SAMD4A: variants seen among roughly 807,000 people sequenced by gnomAD.
SAMD4A encodes sterile alpha motif domain containing 4A.
A neutral mutation model predicts 81.3 loss-of-function variants in SAMD4A; 33 were observed. The ratio of observed to expected loss-of-function variants is 0.41; its 90% confidence interval spans 0.31 to 0.54. SAMD4A has a LOEUF of 0.54. Among genes scored for constraint, SAMD4A ranks in the 20% least tolerant of loss-of-function variants. The pLI is 0.37. For synonymous variants in SAMD4A, 389 were observed against 382.1 expected (o/e 1.02, Z -0.21); for missense variants, 854 against 951.1 (o/e 0.90, Z 1.34).
intron 2 of SAMD4A, among the ~76,000 whole-genome samples, chr14:54,602,717 A>G (rs1015578234): frequency 2.6e-5 from 4 of 152,014 alleles, no homozygotes; most frequent in Non-Finnish European, 5.9e-5. Flanking sequence ...TAATGGGTGC[A>G]GCACACCAAC....
chr14:54,613,102 C>T (rs1052735367), intron 2 of SAMD4A, among the ~76,000 whole-genome samples: 6 of 143,308 alleles, frequency 4.2e-5, no homozygotes, highest in African/African-American at 7.9e-5. Context: ...GGTGACAGAG[C>T]GAGACTCCAT....
chr14:54,728,438 T>C (rs2037479063), intron 3 of SAMD4A, among the ~76,000 whole-genome samples: 1 of 152,158 alleles, frequency 6.6e-6, no homozygotes, highest in East Asian at 1.9e-4. Flanking sequence ...ACATGGCGAT[T>C]CAATCAAATA....
rs990303700 is a variant in SAMD4A, at chr14:54,791,310, C to T, written c.*2366C>T. Reference sequence around the variant, plus strand: ...TACACATCTTGCTGAGAAAGGAAAGCATTCGGATCTGCTGCAAAAACACAT... The same window carrying T: ...TACACATCTTGCTGAGAAAGGAAAGTATTCGGATCTGCTGCAAAAACACAT... On this transcript the variant is annotated 3_prime_UTR_variant, in exon 13 of 13. Coordinates refer to ENST00000554335, the MANE Select transcript of SAMD4A (RefSeq NM_015589.6). 4 of 152,206 alleles carry T rather than the reference C, an allele frequency of 2.6e-5. No homozygotes were observed. Among genetic ancestry groups the T allele is most frequent in the African/African-American group, 9.6e-5 (4 of 41,454 alleles). The allele number at this position is 152,206 out of a possible 1,614,324, so 9.4% of individuals were successfully genotyped here.
intron 2 of SAMD4A, among the ~76,000 whole-genome samples, chr14:54,576,356 A>G (rs1158595831): frequency 6.6e-6 from 1 of 152,240 alleles, no homozygotes; most frequent in African/African-American, 2.4e-5. Flanking sequence ...GAAGAGTGGT[A>G]AATGAATGGG....
chr14:54,752,886 G>T (rs2038144342), intron 6 of SAMD4A, among the ~76,000 whole-genome samples: 1 of 152,228 alleles, frequency 6.6e-6, no homozygotes, highest in Non-Finnish European at 1.5e-5. Flanking sequence ...TCATAATTAA[G>T]TTCAAGGGAA....
intron 2 of SAMD4A, among the ~76,000 whole-genome samples, chr14:54,661,121 T>G (rs1438661471): frequency 6.6e-6 from 1 of 152,228 alleles, no homozygotes; most frequent in African/African-American, 2.4e-5. Context: ...CTCAATTTCC[T>G]TATCTGTCAA....
chr14:54,751,770 C>T (rs1306177592), intron 6 of SAMD4A, among the ~76,000 whole-genome samples: 2 of 152,148 alleles, frequency 1.3e-5, no homozygotes, highest in Admixed American at 6.5e-5. Flanking sequence ...CTTGCCTGGC[C>T]GTCCTAGAGC....
At chr14:54,635,849 A>C (rs2140357593) in intron 2 of SAMD4A, among the ~76,000 whole-genome samples, 1 of 152,298 alleles carries the variant, frequency 6.6e-6, no homozygotes, top group Admixed American at 6.5e-5. Flanking sequence ...ATTTTTGCAT[A>C]CCACAGCCCA....
intron 2 of SAMD4A, among the ~76,000 whole-genome samples, chr14:54,631,630 A>C (rs543881078): frequency 8.5e-5 from 13 of 152,328 alleles, no homozygotes; most frequent in African/African-American, 2.9e-4. Flanking sequence ...TTACTGAATC[A>C]ATAATAATTT....
rs1439399563 is a variant in SAMD4A at position 54,756,964 on chromosome 14, A to G, written c.1177-3197A>G. Reference sequence around the variant, plus strand: ...TTTGTAACAGCACGTTAGTTAATGAACAGCTTCACTGTGCCTCTTTGTGTT... The same window carrying G: ...TTTGTAACAGCACGTTAGTTAATGAGCAGCTTCACTGTGCCTCTTTGTGTT... On this transcript the variant is annotated intron_variant, in intron 6 of 12. Transcript: ENST00000554335. Among the ~76,000 whole-genome samples, 6 of 152,342 alleles carry G rather than the reference A, an allele frequency of 3.9e-5. No homozygotes were observed. The East Asian group carries it at 7.7e-4, about 20-fold the overall frequency.
chr14:54,629,745 A>T (rs1478978150), intron 2 of SAMD4A, among the ~76,000 whole-genome samples: 1 of 152,136 alleles, frequency 6.6e-6, no homozygotes, highest in African/African-American at 2.4e-5. Flanking sequence ...AAGTGCATTC[A>T]CATTGTTATG....
intron 11 of SAMD4A, among the ~76,000 whole-genome samples, chr14:54,779,120 G>A (rs1278107176): frequency 6.6e-6 from 1 of 151,600 alleles, no homozygotes; most frequent in Non-Finnish European, 1.5e-5. Context: ...GCTCTTCCTG[G>A]ATTCAGAGCC....
intron 2 of SAMD4A, among the ~76,000 whole-genome samples, chr14:54,653,141 C>T (rs1380984198): frequency 6.6e-6 from 1 of 151,908 alleles, no homozygotes; most frequent in Non-Finnish European, 1.5e-5. Context: ...ACCTTCTCTT[C>T]CTTGCTGTCA....
intron 6 of SAMD4A, among the ~76,000 whole-genome samples, chr14:54,756,909 C>T (rs1294076579): frequency 6.6e-6 from 1 of 152,214 alleles, no homozygotes; most frequent in African/African-American, 2.4e-5. Flanking sequence ...CCAGACTTCC[C>T]ACTGTCTGCT....
intron 2 of SAMD4A, among the ~76,000 whole-genome samples, chr14:54,627,159 T>G (rs1366345004): frequency 6.6e-6 from 1 of 152,228 alleles, no homozygotes; most frequent in African/African-American, 2.4e-5. Context: ...AATTAAATTT[T>G]CCTTCAGTAC....
At chr14:54,655,318 A>G (rs1566568753) in intron 2 of SAMD4A, among the ~76,000 whole-genome samples, 1 of 152,220 alleles carries the variant, frequency 6.6e-6, no homozygotes, top group Non-Finnish European at 1.5e-5. Context: ...GGAACACAGA[A>G]TCAGTGCAAT....
At chr14:54,773,814 G>T (rs1318061952) in intron 9 of SAMD4A, among the ~76,000 whole-genome samples, 6 of 152,246 alleles carry the variant, frequency 3.9e-5, no homozygotes, top group Non-Finnish European at 7.3e-5. Context: ...CGTCATGATG[G>T]CAGAGACTCA....
At chr14:54,757,416 TGTGTGTG>T (rs1271370023) in intron 6 of SAMD4A, among the ~76,000 whole-genome samples, 19 of 146,200 alleles carry the variant, frequency 1.3e-4, no homozygotes, top group African/African-American at 4.8e-4. Flanking sequence ...TGTGTGTGTG[TGTGTGTG>T]TGTGTTTTGT....
chr14:54,686,557 C>CGG (rs2036274985), intron 2 of SAMD4A, among the ~76,000 whole-genome samples: 1 of 99,746 alleles, frequency 1.0e-5, no homozygotes, highest in African/African-American at 3.8e-5. Flanking sequence ...TTTGGCTAAC[C>CGG]AGAAAAAAAA....
Sources: gnomAD v4.1 joint callset for allele counts (sites outside exome capture counted in the v4.1 genomes callset) on GRCh38, gnomAD v4.1.1 for gene constraint, MANE v1.5 for transcripts, NCBI Gene and HGNC (gene_info 2026-07-23, HGNC 2026-07-21) for gene names.